Variants in CCDC3 observed in about 807,000 individuals in gnomAD.
CCDC3 encodes the protein coiled-coil domain containing 3.
A neutral mutation model predicts 21.4 loss-of-function variants in CCDC3; 24 were observed. The observed-to-expected ratio is 1.12, with a 90% CI of 0.81 to 1.58. The LOEUF (loss-of-function observed/expected upper bound fraction) is 1.58. CCDC3 is among the 40% of genes most tolerant of loss of function. The pLI, the probability that CCDC3 is intolerant of heterozygous loss-of-function variation, is 0.00. For missense variants in CCDC3, 425 were observed against 360.9 expected (o/e 1.18, Z -1.44); for synonymous variants, 186 against 166.0 (o/e 1.12, Z -0.93).
chr10:12,995,118 A>G (rs1012845099), intron 2 of CCDC3, among the ~76,000 whole-genome samples: 4 of 151,898 alleles, frequency 2.6e-5, no homozygotes, highest in African/African-American at 9.7e-5. Context: ...GTAGTAGTCA[A>G]TAATTCACAA....
At chr10:12,972,342 T>C (rs1236386770) in intron 2 of CCDC3, among the ~76,000 whole-genome samples, 1 of 152,294 alleles carries the variant, frequency 6.6e-6, no homozygotes, top group Middle Eastern at 3.4e-3. Flanking sequence ...AGGCACACCC[T>C]TGGGCTTCTG....
At chr10:12,940,330 GA>G (rs5783296) in intron 2 of CCDC3, among the ~76,000 whole-genome samples, 118,140 of 150,884 alleles carry the variant, frequency 0.78, 46,500 homozygotes, top group East Asian at 0.97. Flanking sequence ...CATGGTGGCT[GA>G]CATTTCAAGT....
At chr10:12,972,741 C>T (rs752556882) in intron 2 of CCDC3, among the ~76,000 whole-genome samples, 15 of 151,670 alleles carry the variant, frequency 9.9e-5, no homozygotes, top group Non-Finnish European at 2.1e-4. Flanking sequence ...CTCTTGAACC[C>T]GGGAGGCAGA....
intron 4 of CCDC3, among the ~76,000 whole-genome samples, chr10:13,051,545 A>T (rs1836607951): frequency 6.6e-6 from 1 of 152,148 alleles, no homozygotes; most frequent in African/African-American, 2.4e-5. Context: ...CACTACTATT[A>T]CTATTGTAAC....
At chr10:12,977,403 T>G (rs1222173993) in intron 2 of CCDC3, among the ~76,000 whole-genome samples, 1 of 152,152 alleles carries the variant, frequency 6.6e-6, no homozygotes, top group Non-Finnish European at 1.5e-5. Flanking sequence ...TTGGTGTCCT[T>G]AAGTGCCTGT....
chr10:12,917,137 G>A lies in CCDC3; in HGVS notation c.550-18458C>T, dbSNP rs922991249. 2.6e-5 allele frequency among the ~76,000 whole-genome samples: 4 copies of A among 151,462 alleles called. No individual in the cohort carries two copies. In the East Asian group the frequency reaches 7.8e-4, roughly 29 times the overall value. ...GATCTCTCTCCATACTGTGCTGCCC[G>A]GGGTTGGGGGAGGTGATGTTGGAAA... is the stretch of plus-strand genomic sequence containing the variant. On this transcript the variant is annotated intron_variant, in intron 2 of 2. Transcript: ENST00000378825.
chr10:13,029,497 G>A (rs1564325930), intron 5 of CCDC3, among the ~76,000 whole-genome samples: 1 of 152,170 alleles, frequency 6.6e-6, no homozygotes, highest in Non-Finnish European at 1.5e-5. Context: ...ACTTTGACAA[G>A]TTGAGAGAAG....
chr10:12,997,739 A>G (rs1317035361), intron 2 of CCDC3, among the ~76,000 whole-genome samples: 1 of 152,224 alleles, frequency 6.6e-6, no homozygotes, highest in African/African-American at 2.4e-5. Flanking sequence ...TGTATTGAGC[A>G]CTTACTCTTT....
intron 2 of CCDC3, among the ~76,000 whole-genome samples, chr10:12,920,434 G>C (rs1034971965): frequency 3.3e-5 from 5 of 152,142 alleles, no homozygotes; most frequent in African/African-American, 9.7e-5. Context: ...CATCAAATGT[G>C]GACATTTCAG....
chr10:12,978,782 G>A (rs1176932422), intron 2 of CCDC3, among the ~76,000 whole-genome samples: 1 of 152,186 alleles, frequency 6.6e-6, no homozygotes, highest in East Asian at 1.9e-4. Context: ...CCTTTCCTTA[G>A]AGCAGGTAAC....
chr10:12,927,234 T>C (rs1011555100), intron 2 of CCDC3, among the ~76,000 whole-genome samples: 1 of 152,206 alleles, frequency 6.6e-6, no homozygotes, highest in East Asian at 1.9e-4. Flanking sequence ...TCTCATTTCA[T>C]CTATCTGCTG....
chr10:12,900,689 T>C (rs1834079550), intron 2 of CCDC3, among the ~76,000 whole-genome samples: 2 of 67,114 alleles, frequency 3.0e-5, no homozygotes, highest in Non-Finnish European at 5.7e-5. Flanking sequence ...ACACTCCATC[T>C]CAAAAAAAAA....
intron 5 of CCDC3, among the ~76,000 whole-genome samples, chr10:13,048,776 T>C (rs555047385): frequency 1.4e-5 from 2 of 144,508 alleles, no homozygotes; most frequent in Admixed American, 1.4e-4. Flanking sequence ...TGAGAAGGGA[T>C]TAAAATTAGA....
rs1484418793 is a variant in CCDC3 at position 12,898,570 on chromosome 10, C to T, written c.659G>A (p.Arg220Gln). The T allele has an allele frequency of 3.7e-6, 6 of 1,614,232 alleles. No homozygotes were observed. The highest frequency in any genetic ancestry group is 4.2e-6 in the Non-Finnish European group (5 of 1,180,038). ...CAAGGACCTCTTGACCTTCTTCACT[C>T]GCTCCCGGAGCTGCCGGTTGCGCTT... ...LEKRNRQLRE[R>Q]VKKVKRSLRQ... The change falls in exon 3 of 3, where the codon CGA (arginine) becomes CAA (glutamine). Residue 220 changes from arginine to glutamine, a missense_variant. Arg to Gln is a conservative substitution (Grantham distance 43). Coordinates refer to ENST00000378825, the MANE Select transcript of CCDC3 (RefSeq NM_031455.4).
intron 5 of CCDC3, among the ~76,000 whole-genome samples, chr10:13,042,671 G>A (rs1262934589): frequency 6.6e-6 from 1 of 151,646 alleles, no homozygotes; most frequent in East Asian, 2.0e-4. Flanking sequence ...CACTTTGGGA[G>A]GCTGAGGTGG....
intron 2 of CCDC3, among the ~76,000 whole-genome samples, chr10:12,953,763 G>GA (rs892536985): frequency 1.3e-5 from 2 of 152,086 alleles, no homozygotes; most frequent in Non-Finnish European, 2.9e-5. Context: ...GATCACAGAA[G>GA]AAAAAAAACC....
chr10:12,933,544 G>A (rs1209021883), intron 2 of CCDC3, among the ~76,000 whole-genome samples: 1 of 149,820 alleles, frequency 6.7e-6, no homozygotes, highest in Non-Finnish European at 1.5e-5. Context: ...TGCACCCTCT[G>A]CCTTCTGGGT....
rs544850765 is a variant in CCDC3, at chr10:13,095,556, T to C, written c.-503+2969A>G. Among the ~76,000 whole-genome samples, 239 of 152,234 alleles carry C rather than the reference T, an allele frequency of 1.6e-3. 1 individual carries two copies. The highest frequency in any genetic ancestry group is 5.2e-3 in the African/African-American group (216 of 41,548). On this transcript the variant is annotated intron_variant, in intron 3 of 6. Transcript: ENST00000378839. ...GTTGACAATAGGGTTCACGCTCCTA[T>C]GAAAATCTAATGCAGCTGCTGATCT...
At chr10:12,990,235 G>A (rs542254617) in intron 2 of CCDC3, among the ~76,000 whole-genome samples, 3 of 149,372 alleles carry the variant, frequency 2.0e-5, no homozygotes, top group African/African-American at 7.4e-5. Flanking sequence ...ACTCTGGCCT[G>A]GGCAAAAAAG....
Sources: allele counts gnomAD v4.1 joint callset (sites outside exome capture counted in the v4.1 genomes callset), GRCh38; gene constraint gnomAD v4.1.1; transcripts MANE v1.5; gene names NCBI Gene and HGNC (gene_info 2026-07-23, HGNC 2026-07-21).